Variants in PTPRQ observed in about 807,000 individuals in gnomAD.
PTPRQ encodes the protein protein tyrosine phosphatase receptor type Q.
In PTPRQ, 199 loss-of-function variants were observed where a neutral mutation model predicts 246.0. The ratio of observed to expected loss-of-function variants is 0.81; its 90% confidence interval spans 0.72 to 0.91. The LOEUF (loss-of-function observed/expected upper bound fraction) is 0.91. PTPRQ is among the 40% of genes least tolerant of loss of function. PTPRQ has a pLI of 0.00. For missense variants in PTPRQ, 2,624 were observed against 2,528.4 expected (o/e 1.04, Z -0.81); for synonymous variants, 869 against 853.2 (o/e 1.02, Z -0.32).
intron 25 of PTPRQ, among the ~76,000 whole-genome samples, chr12:80,571,786 T>C (rs866042273): frequency 6.6e-6 from 1 of 152,124 alleles, no homozygotes; most frequent in Admixed American, 6.5e-5. Context: ...TTATAATAAA[T>C]AAACATAGGT....
intron 44 of PTPRQ, 39 bp from the exon 45 acceptor site, chr12:80,678,947 C>G: frequency 6.6e-7 from 1 of 1,523,032 alleles, no homozygotes. Context: ...GAACTGTTAA[C>G]TTCAACACTC....
At chr12:80,535,826 G>A (rs1329555921) in intron 19 of PTPRQ, among the ~76,000 whole-genome samples, 2 of 152,182 alleles carry the variant, frequency 1.3e-5, no homozygotes, top group African/African-American at 2.4e-5. Context: ...AGAAAAACAC[G>A]GCCGGGCGTG....
intron 33 of PTPRQ, among the ~76,000 whole-genome samples, chr12:80,627,705 A>G (rs555237808): frequency 5.9e-5 from 9 of 152,240 alleles, no homozygotes; most frequent in Non-Finnish European, 8.8e-5. Context: ...ATTTAATGTG[A>G]TTTGTCACAG....
chr12:80,468,780 C>T lies in PTPRQ; in HGVS notation c.981C>T (p.Asp327=), dbSNP rs1350822411. The change falls in exon 7 of 45, where the codon GAC becomes GAT. Residue 327 remains aspartate, a synonymous_variant. Coordinates refer to ENST00000644991, the MANE Select transcript of PTPRQ (RefSeq NM_001145026.2). Reference sequence around the variant, plus strand: ...GAAAGTCCTTTTCAATTTTATGGGACCCACCAACTATAGTAACAGGGAAAT... The same window carrying T: ...GAAAGTCCTTTTCAATTTTATGGGATCCACCAACTATAGTAACAGGGAAAT... ...ITGKSFSILW[D]PPTIVTGKFS... The T allele has an allele frequency of 1.9e-6, 3 of 1,550,142 alleles. No homozygotes were observed. The highest frequency in any genetic ancestry group is 2.6e-6 in the Non-Finnish European group (3 of 1,146,328).
intron 8 of PTPRQ, among the ~76,000 whole-genome samples, chr12:80,474,747 T>TA (rs1565729928): frequency 6.6e-6 from 1 of 152,026 alleles, no homozygotes; most frequent in African/African-American, 2.4e-5. Context: ...GTGTGAGGGG[T>TA]AAAAAAAATA....
At chr12:80,452,675 A>C (rs1404347416) in intron 3 of PTPRQ, among the ~76,000 whole-genome samples, 6 of 152,180 alleles carry the variant, frequency 3.9e-5, no homozygotes, top group African/African-American at 1.4e-4. Flanking sequence ...CTTTTCTTTA[A>C]GAATGTTGAA....
At chr12:80,548,969 G>A (rs2120868074) in intron 24 of PTPRQ, among the ~76,000 whole-genome samples, 2 of 152,214 alleles carry the variant, frequency 1.3e-5, no homozygotes, top group Admixed American at 1.3e-4. Context: ...AAATCCTCAA[G>A]ATTCTTCCAA....
intron 40 of PTPRQ, 54 bp from the exon 41 acceptor site, chr12:80,669,285 A>T: frequency 6.5e-7 from 1 of 1,540,482 alleles, no homozygotes. Flanking sequence ...TGTGGTATAC[A>T]TATATATCAA....
intron 17 of PTPRQ, among the ~76,000 whole-genome samples, chr12:80,518,809 G>C (rs189306543): frequency 6.6e-6 from 1 of 151,990 alleles, no homozygotes; most frequent in Non-Finnish European, 1.5e-5. Context: ...TTGTTTCTGC[G>C]TTCTCTATTC....
chr12:80,651,349 C>A (rs1205106441), intron 37 of PTPRQ, among the ~76,000 whole-genome samples: 1 of 151,794 alleles, frequency 6.6e-6, no homozygotes, highest in African/African-American at 2.4e-5. Context: ...GATTGAGGAT[C>A]AAATCTGTTT....
At chr12:80,604,346 C>G (rs1898240434) in intron 26 of PTPRQ, among the ~76,000 whole-genome samples, 1 of 151,464 alleles carries the variant, frequency 6.6e-6, no homozygotes, top group African/African-American at 2.4e-5. Context: ...TTCCCAGTGG[C>G]TTCACAAATT....
chr12:80,669,545 A>G, intron 41 of PTPRQ, 81 bp downstream of exon 41: 1 of 1,464,678 alleles, frequency 6.8e-7, no homozygotes, highest in South Asian at 1.4e-5. Context: ...TAATTTCTAG[A>G]ACTATCCCTT....
In PTPRQ at chr12:80,576,192, A is replaced by T. The variant is rs1897275900; in HGVS notation, c.4286-11937A>T. 5.3e-5 allele frequency among the ~76,000 whole-genome samples: 8 copies of T among 152,014 alleles called. No individual in the cohort carries two copies. The South Asian group carries it at 1.7e-3, about 32-fold the overall frequency. On this transcript the variant is annotated intron_variant, in intron 25 of 44. Coordinates refer to ENST00000644991, the MANE Select transcript of PTPRQ (RefSeq NM_001145026.2). The stretch of plus-strand genomic sequence containing the variant: ...TCTTGCTCTGTTGCCTAGGCTGGGG[A>T]GTGCAGTGGCACAATCTCGGCTCAC...
At chr12:80,633,734 A>C (rs1899530540) in intron 34 of PTPRQ, among the ~76,000 whole-genome samples, 2 of 152,262 alleles carry the variant, frequency 1.3e-5, no homozygotes, top group African/African-American at 4.8e-5. Context: ...AGACAGTGAG[A>C]GAGTTATCAT....
At chr12:80,578,015 A>G (rs1179282325) in intron 25 of PTPRQ, among the ~76,000 whole-genome samples, 1 of 151,026 alleles carries the variant, frequency 6.6e-6, no homozygotes, top group African/African-American at 2.4e-5. Flanking sequence ...TATTCCACCT[A>G]CGTACTCAGA....
At position 80,620,360 on chromosome 12, in the gene PTPRQ, C is replaced by G; in HGVS notation, c.5596C>G (p.Pro1866Ala). 6.5e-7 allele frequency: 1 copy of G among 1,548,168 alleles called. No individual in the cohort carries two copies. Among genetic ancestry groups the G allele is most frequent in the Non-Finnish European group, 8.7e-7 (1 of 1,144,964 alleles). Residue 1866 changes from proline (P) to alanine (A), a missense_variant, in exon 32 of 45, where the codon CCA becomes GCA. Pro to Ala is a conservative substitution (Grantham distance 27). Transcript: ENST00000644991. ...EDKICNGPLK[P>A]KKQYLFKFRA... ...CAAAATTTGCAATGGACCACTGAAA[C>G]CAAAAAAGCAATACTTGTAAGTATA...
At chr12:80,642,932 A>AACAAAC (rs1565836947) in intron 35 of PTPRQ, among the ~76,000 whole-genome samples, 5 of 131,556 alleles carry the variant, frequency 3.8e-5, no homozygotes, top group African/African-American at 1.8e-4. Context: ...AAAAAAAAAA[A>AACAAAC]AAAAAAAAAA....
At chr12:80,484,905 C>T (rs931051467) in intron 9 of PTPRQ, among the ~76,000 whole-genome samples, 38 of 152,050 alleles carry the variant, frequency 2.5e-4, no homozygotes, top group African/African-American at 8.7e-4. Context: ...ATGAATTGTT[C>T]GGAAACTCTT....
At position 80,620,192 on chromosome 12, in the gene PTPRQ, T is replaced by C. The variant is rs1270771648; in HGVS notation, c.5428T>C (p.Tyr1810His). Residue 1810 changes from tyrosine (Y) to histidine (H), a missense_variant, in exon 32 of 45, where the codon TAT (tyrosine) becomes CAT (histidine). Coordinates refer to ENST00000644991, the MANE Select transcript of PTPRQ (RefSeq NM_001145026.2). ...DGNVTKWYDA[Y>H]FNKARPYFTN... ...AAATGTAACAAAGTGGTATGATGCATATTTTAATAAAGCAAGGCCATATTT... is the reference window on the plus strand; with the variant it reads ...AAATGTAACAAAGTGGTATGATGCACATTTTAATAAAGCAAGGCCATATTT... 5.2e-6 allele frequency: 8 copies of C among 1,548,618 alleles called. No individual in the cohort carries two copies. The highest frequency in any genetic ancestry group is 1.4e-5 in the African/African-American group (1 of 72,838).
Sources: allele counts gnomAD v4.1 joint callset (sites outside exome capture counted in the v4.1 genomes callset), GRCh38; gene constraint gnomAD v4.1.1; transcripts MANE v1.5; gene names NCBI Gene and HGNC (gene_info 2026-07-23, HGNC 2026-07-21).